MLLT3: variants seen among roughly 807,000 people sequenced by gnomAD.
MLLT3 encodes the protein MLLT3 super elongation complex subunit.
A neutral mutation model predicts 53.2 loss-of-function variants in MLLT3; 4 were observed. The ratio of observed to expected loss-of-function variants is 0.08; its 90% CI spans 0.04 to 0.17. MLLT3 has a LOEUF of 0.17. Among genes scored for constraint, MLLT3 ranks in the 10% least tolerant of loss-of-function variants. The pLI is 1.00. For missense variants in MLLT3, 569 were observed against 684.0 expected (o/e 0.83, Z 1.87); for synonymous variants, 283 against 230.6 (o/e 1.23, Z -2.06).
chr9:20,568,730 T>G (rs1403920648), intron 2 of MLLT3, among the ~76,000 whole-genome samples: 1 of 152,226 alleles, frequency 6.6e-6, no homozygotes, highest in Non-Finnish European at 1.5e-5. Flanking sequence ...AAATATCATC[T>G]GTTTAACAAG....
intron 4 of MLLT3, among the ~76,000 whole-genome samples, chr9:20,419,369 G>A (rs1045467306): frequency 1.3e-5 from 2 of 151,916 alleles, no homozygotes; most frequent in African/African-American, 2.4e-5. Flanking sequence ...GAAGAGCCTT[G>A]AATGGATCAA....
At chr9:20,509,826 A>C (rs1825481340) in intron 2 of MLLT3, among the ~76,000 whole-genome samples, 1 of 152,154 alleles carries the variant, frequency 6.6e-6, no homozygotes, top group Non-Finnish European at 1.5e-5. Context: ...TTATTGTAAA[A>C]GAACTGTCAA....
At chr9:20,588,615 G>T (rs1587105632) in intron 2 of MLLT3, among the ~76,000 whole-genome samples, 1 of 152,144 alleles carries the variant, frequency 6.6e-6, no homozygotes, top group Admixed American at 6.5e-5. Flanking sequence ...TTGTGAATGG[G>T]AGTTCACTCA....
intron 2 of MLLT3, among the ~76,000 whole-genome samples, chr9:20,546,630 C>T (rs73432587): frequency 4.6e-5 from 7 of 152,062 alleles, no homozygotes; most frequent in South Asian, 2.1e-4. Flanking sequence ...AGCATACCTG[C>T]GAATGACCCT....
At chr9:20,439,782 T>C (rs1321592904) in intron 4 of MLLT3, among the ~76,000 whole-genome samples, 2 of 152,148 alleles carry the variant, frequency 1.3e-5, no homozygotes. Context: ...CTCATCTACA[T>C]AAAAATATAA....
chr9:20,618,326 T>C (rs1385879563), intron 2 of MLLT3, among the ~76,000 whole-genome samples: 2 of 152,220 alleles, frequency 1.3e-5, no homozygotes, highest in Non-Finnish European at 2.9e-5. Flanking sequence ...CTTATCATTT[T>C]GAAAGACTTT....
At chr9:20,377,200 C>T (rs952259401) in intron 5 of MLLT3, among the ~76,000 whole-genome samples, 11 of 152,122 alleles carry the variant, frequency 7.2e-5, no homozygotes, top group African/African-American at 2.2e-4. Flanking sequence ...CAATGAACAT[C>T]GAAACACCAC....
intron 2 of MLLT3, among the ~76,000 whole-genome samples, chr9:20,458,068 C>T (rs929065544): frequency 3.3e-5 from 5 of 152,164 alleles, no homozygotes; most frequent in Admixed American, 2.0e-4. Flanking sequence ...GTGCCTGGTC[C>T]TCCTTCTATC....
In MLLT3 at chr9:20,584,265, C is replaced by T. The variant is rs140924829; in HGVS notation, c.193+36389G>A. Among the ~76,000 whole-genome samples, 872 of 152,284 alleles carry T rather than the reference C, an allele frequency of 5.7e-3. 8 individuals are homozygous for T. Among genetic ancestry groups the T allele is most frequent in the African/African-American group, 0.02 (828 of 41,544 alleles). On this transcript the variant is annotated intron_variant, in intron 2 of 10. Coordinates refer to ENST00000380338, the MANE Select transcript of MLLT3 (RefSeq NM_004529.4). ...TCAGCCTAGACTTTATTGTTCATATCGCTATCAGCATTTTCGTCAAAGCCA... is the reference window on the plus strand; with the variant it reads ...TCAGCCTAGACTTTATTGTTCATATTGCTATCAGCATTTTCGTCAAAGCCA...
intron 2 of MLLT3, among the ~76,000 whole-genome samples, chr9:20,606,233 T>C (rs375197722): frequency 2.0e-5 from 3 of 151,292 alleles, no homozygotes; most frequent in African/African-American, 7.3e-5. Context: ...CCATTGAAAA[T>C]AGAACATTAT....
rs1820330350 is a variant in MLLT3 at position 20,598,387 on chromosome 9, T to G, written c.193+22267A>C. 2.0e-5 allele frequency among the ~76,000 whole-genome samples: 3 copies of G among 152,118 alleles called. No individual in the cohort carries two copies. In the South Asian group the frequency reaches 6.2e-4, roughly 32 times the overall value. On this transcript the variant is annotated intron_variant, in intron 2 of 10. Transcript: ENST00000380338. ...ATCTCCCCTTCGCCCCACATATGAG[T>G]CTCTGAGGGCAGAGAAGCCATATGT... is the stretch of plus-strand genomic sequence containing the variant.
rs933869682 is a variant in MLLT3 at position 20,448,542 on chromosome 9, T to C, written c.277-276A>G. On this transcript the variant is annotated intron_variant, in intron 3 of 10. Coordinates refer to ENST00000380338, the MANE Select transcript of MLLT3 (RefSeq NM_004529.4). This position sits in a 1 kb window ranked among gnomAD's most constrained non-coding sequence, Gnocchi z 4.0. Reference sequence around the variant, plus strand: ...TTCAGGTGACAGGATACCAGCAACATAGCCACCCAACTAGAAACCAAGCAC... The same window carrying C: ...TTCAGGTGACAGGATACCAGCAACACAGCCACCCAACTAGAAACCAAGCAC... Among the ~76,000 whole-genome samples the C allele has an allele frequency of 3.3e-5, 5 of 152,002 alleles. No individual in the cohort carries two copies. Among genetic ancestry groups the C allele is most frequent in the South Asian group, 2.1e-4 (1 of 4,812 alleles).
At chr9:20,569,498 G>T (rs1819472099) in intron 2 of MLLT3, among the ~76,000 whole-genome samples, 1 of 152,040 alleles carries the variant, frequency 6.6e-6, no homozygotes, top group South Asian at 2.1e-4. Context: ...CAGTCACCAA[G>T]ATGTCCCAAG....
At chr9:20,586,423 A>G (rs1819963845) in intron 2 of MLLT3, among the ~76,000 whole-genome samples, 1 of 152,056 alleles carries the variant, frequency 6.6e-6, no homozygotes, top group Non-Finnish European at 1.5e-5. Context: ...AGGAGATTGA[A>G]AATTGACGTT....
At chr9:20,430,120 T>C (rs1438785184) in intron 4 of MLLT3, among the ~76,000 whole-genome samples, 2 of 152,070 alleles carry the variant, frequency 1.3e-5, no homozygotes, top group African/African-American at 4.8e-5. Flanking sequence ...ATATTAATAA[T>C]AGCAAAACAA....
At position 20,566,511 on chromosome 9, in the gene MLLT3, C is replaced by T. The variant is rs1451149617; in HGVS notation, c.193+54143G>A. On this transcript the variant is annotated intron_variant, in intron 2 of 10. Coordinates refer to ENST00000380338, the MANE Select transcript of MLLT3 (RefSeq NM_004529.4). ...ACCATTTGTTATGTATCCTTCCAGC[C>T]TGATTTATATACTTAAACACGTATA... 2.0e-5 allele frequency among the ~76,000 whole-genome samples: 3 copies of T among 152,092 alleles called. No homozygotes were observed. In the East Asian group the frequency reaches 5.8e-4, roughly 29 times the overall value.
intron 7 of MLLT3, among the ~76,000 whole-genome samples, chr9:20,362,176 G>C (rs1316206042): frequency 6.6e-6 from 1 of 152,160 alleles, no homozygotes; most frequent in Non-Finnish European, 1.5e-5. Context: ...CAGGGAACAA[G>C]AAAAGCAGCC....
intron 2 of MLLT3, among the ~76,000 whole-genome samples, chr9:20,472,959 T>A (rs1262853882): frequency 1.3e-5 from 2 of 151,936 alleles, no homozygotes; most frequent in Admixed American, 6.6e-5. Context: ...ATTAGTTTAA[T>A]TACACCTAGA....
chr9:20,613,441 A>G (rs936630053), intron 2 of MLLT3, among the ~76,000 whole-genome samples: 1 of 152,240 alleles, frequency 6.6e-6, no homozygotes, highest in Non-Finnish European at 1.5e-5. Flanking sequence ...AAGGCTGGGA[A>G]GCATTTTAAA....
Sources: allele counts gnomAD v4.1 joint callset (sites outside exome capture counted in the v4.1 genomes callset), GRCh38; gene constraint gnomAD v4.1.1; non-coding constraint Gnocchi (gnomAD v3.1); transcripts MANE v1.5; gene names NCBI Gene and HGNC (gene_info 2026-07-23, HGNC 2026-07-21).